Variants in CDH4 observed in about 807,000 individuals in gnomAD.
The protein encoded by CDH4 is cadherin 4, also known as cadherin-4.
A neutral mutation model predicts 86.0 loss-of-function variants in CDH4; 33 were observed. The observed-to-expected ratio is 0.38, with a 90% confidence interval of 0.29 to 0.51. CDH4 has a LOEUF of 0.51. Ranked by LOEUF, CDH4 falls within the 20% of genes least tolerant of loss-of-function variation. The pLI is 0.86. For missense variants in CDH4, 1,114 were observed against 1,307.4 expected, an observed-to-expected ratio of 0.85 and a Z score of 2.28; for synonymous variants, 555 against 549.4, an observed-to-expected ratio of 1.01 and a Z score of -0.14.
In CDH4 at chr20:61,832,930, G is replaced by T. The variant is rs139863092; in HGVS notation, c.577-11738G>T. ...TAGTACTGTCAAAATTGTAATGTCA[G>T]CCTATTGCTGTTACCCCTGGGGCTG... On this transcript the variant is annotated intron_variant, in intron 4 of 15. Transcript: ENST00000614565. Among the ~76,000 whole-genome samples the T allele has an allele frequency of 2.0e-3, 305 of 152,324 alleles. 1 individual carries two copies. The highest frequency in any genetic ancestry group is 7.1e-3 in the African/African-American group (295 of 41,572).
chr20:61,499,364 C>A, intron 2 of CDH4: 1 of 977,322 alleles, frequency 1.0e-6, no homozygotes, highest in African/African-American at 1.7e-5. Context: ...ATAGCAGTGC[C>A]TCTTGCTCTG....
intron 4 of CDH4, among the ~76,000 whole-genome samples, chr20:61,839,248 C>A (rs555810274): frequency 6.6e-6 from 1 of 152,156 alleles, no homozygotes; most frequent in African/African-American, 2.4e-5. Context: ...AATGGCCGCC[C>A]CTTTCCATTC....
At chr20:61,913,126 G>C (rs181056685) in intron 9 of CDH4, among the ~76,000 whole-genome samples, 1 of 152,236 alleles carries the variant, frequency 6.6e-6, no homozygotes, top group East Asian at 1.9e-4. Flanking sequence ...GGAGCACAAC[G>C]GGCAGCCCCC....
chr20:61,932,505 G>A (rs1245205168), intron 13 of CDH4, among the ~76,000 whole-genome samples: 1 of 152,036 alleles, frequency 6.6e-6, no homozygotes, highest in Non-Finnish European at 1.5e-5. Flanking sequence ...GACACACGAA[G>A]TACACATGGA....
chr20:61,273,967 A>G (rs1325977653), intron 2 of CDH4, among the ~76,000 whole-genome samples: 6 of 139,674 alleles, frequency 4.3e-5, no homozygotes, highest in Non-Finnish European at 4.6e-5. Flanking sequence ...TACCATGTGC[A>G]GTTTTGGGGG....
rs528361585 is a variant in CDH4, at chr20:61,933,473, CA to C, written c.2379+350del. On this transcript the variant is annotated intron_variant, in intron 14 of 15. Coordinates refer to ENST00000614565, the MANE Select transcript of CDH4 (RefSeq NM_001794.5). Reference sequence around the variant, plus strand: ...TGTGTGCAGAGGGCTGTCGACTGACCAGGGGCAGTGCACCAGGCGCCCGGGA... The same window carrying C: ...TGTGTGCAGAGGGCTGTCGACTGACCGGGGCAGTGCACCAGGCGCCCGGGA... Among the ~76,000 whole-genome samples the C allele has an allele frequency of 3.2e-3, 486 of 152,294 alleles. 2 individuals are homozygous for C. Among genetic ancestry groups the C allele is most frequent in the African/African-American group, 0.011 (449 of 41,552 alleles).
intron 3 of CDH4, 113 bp downstream of exon 3, chr20:61,743,902 T>G: frequency 2.5e-6 from 2 of 808,028 alleles, no homozygotes. Context: ...CACCTCCTCC[T>G]CGGGCTGTGC....
At chr20:61,451,736 G>A (rs927288909) in intron 2 of CDH4, among the ~76,000 whole-genome samples, 1 of 152,012 alleles carries the variant, frequency 6.6e-6, no homozygotes, top group African/African-American at 2.4e-5. Context: ...TGGGAGGAAG[G>A]CCTCCAGGGT....
chr20:61,287,766 C>G (rs12625555), intron 2 of CDH4, among the ~76,000 whole-genome samples: 1 of 152,174 alleles, frequency 6.6e-6, no homozygotes, highest in African/African-American at 2.4e-5. Context: ...GCCACTCCCC[C>G]TAAGTGAGGC....
chr20:61,841,899 G>A (rs534776603), intron 4 of CDH4, among the ~76,000 whole-genome samples: 30 of 152,282 alleles, frequency 2.0e-4, no homozygotes, highest in Non-Finnish European at 1.0e-4. Context: ...CTTCCTATAC[G>A]GAAAACAGCT....
intron 2 of CDH4, among the ~76,000 whole-genome samples, chr20:61,531,238 G>A (rs540112525): frequency 9.2e-4 from 140 of 152,212 alleles, no homozygotes; most frequent in African/African-American, 3.2e-3. Context: ...TTGGGAGGCC[G>A]AGACAGGTGG....
intron 4 of CDH4, among the ~76,000 whole-genome samples, chr20:61,806,407 G>A (rs1007212218): frequency 3.3e-5 from 5 of 152,210 alleles, no homozygotes; most frequent in East Asian, 3.9e-4. Context: ...CCGTCCACTC[G>A]CCTGCAGGAG....
chr20:61,757,074 C>T (rs755928402), intron 3 of CDH4, among the ~76,000 whole-genome samples: 1 of 152,178 alleles, frequency 6.6e-6, no homozygotes, highest in Non-Finnish European at 1.5e-5. Flanking sequence ...TTGAAGATGA[C>T]GAGCTATTTT....
intron 2 of CDH4, among the ~76,000 whole-genome samples, chr20:61,475,657 CCT>C (rs1257124667): frequency 1.0e-5 from 1 of 98,768 alleles, no homozygotes; most frequent in Non-Finnish European, 2.0e-5. Context: ...ACCCGCCTCC[CCT>C]CTCTCTCTTC....
At chr20:61,293,167 T>C (rs2084332926) in intron 2 of CDH4, among the ~76,000 whole-genome samples, 1 of 152,172 alleles carries the variant, frequency 6.6e-6, no homozygotes, top group Non-Finnish European at 1.5e-5. Context: ...TTTTGCTCCT[T>C]CTAGCTGTCC....
Position 61,499,328 on chromosome 20 carries a change from A to C in CDH4, c.170-244235A>C, listed in dbSNP as rs954126673. 46 of 575,560 alleles carry C rather than the reference A, an allele frequency of 8.0e-5. 2 individuals are homozygous for C. The highest frequency in any genetic ancestry group is 7.8e-4 in the South Asian group (46 of 59,114). 35.7% of individuals were successfully genotyped at this position (575,560 alleles called of 1,614,324 possible). On this transcript the variant is annotated intron_variant, in intron 2 of 15. Coordinates refer to ENST00000614565, the MANE Select transcript of CDH4 (RefSeq NM_001794.5). ...CTCTGGCCAGGTACTTTCATCCCCTATGCCTCAGTTTCGCCACCTAGAAGG... is the reference window on the plus strand; with the variant it reads ...CTCTGGCCAGGTACTTTCATCCCCTCTGCCTCAGTTTCGCCACCTAGAAGG...
chr20:61,887,271 C>T (rs1197469283), intron 7 of CDH4, among the ~76,000 whole-genome samples: 1 of 152,216 alleles, frequency 6.6e-6, no homozygotes, highest in African/African-American at 2.4e-5. Context: ...TTCCGGGGGT[C>T]CCCTGGGAGA....
chr20:61,803,180 C>T (rs907139907), intron 4 of CDH4, among the ~76,000 whole-genome samples: 6 of 146,798 alleles, frequency 4.1e-5, no homozygotes, highest in African/African-American at 1.5e-4. Flanking sequence ...CCCGTCGTGG[C>T]GGCTGTGGAC....
chr20:61,307,269 C>G (rs1220770904), intron 2 of CDH4, among the ~76,000 whole-genome samples: 1 of 152,162 alleles, frequency 6.6e-6, no homozygotes, highest in East Asian at 1.9e-4. Flanking sequence ...GCACTCAGCA[C>G]CTGCATGCTC....
Sources: allele counts gnomAD v4.1 joint callset (sites outside exome capture counted in the v4.1 genomes callset), GRCh38; gene constraint gnomAD v4.1.1; transcripts MANE v1.5; gene names NCBI Gene and HGNC (gene_info 2026-07-23, HGNC 2026-07-21).